The following ZNF724 variants were observed in gnomAD, a reference collection of about 807,000 sequenced individuals.
ZNF724 encodes zinc finger protein 724 pseudogene.
In ZNF724, 14 loss-of-function variants were observed where a neutral mutation model predicts 29.3. That is an observed-to-expected ratio of 0.48 (90% CI 0.32 to 0.75). ZNF724 has a LOEUF of 0.75. ZNF724 is among the 30% of genes least tolerant of loss of function. The pLI is 0.04. For synonymous variants in ZNF724, 180 were observed against 193.6 expected (o/e 0.93, Z 0.58); for missense variants, 557 against 571.2 (o/e 0.98, Z 0.25).
intron 1 of ZNF724, among the ~76,000 whole-genome samples, chr19:23,248,592 T>G (rs550856351): frequency 6.6e-6 from 1 of 152,126 alleles, no homozygotes; most frequent in South Asian, 2.1e-4. Context: ...TTTTTTTTTT[T>G]TTTGTAAATT....
At chr19:23,237,412 T>C (rs1380136140) in intron 1 of ZNF724, among the ~76,000 whole-genome samples, 1 of 152,068 alleles carries the variant, frequency 6.6e-6, no homozygotes, top group East Asian at 1.9e-4. Flanking sequence ...GTAGTGAATT[T>C]TTTTGGATAT....
In ZNF724 at chr19:23,223,793, A is replaced by G. The variant is rs1246635588; in HGVS notation, c.452T>C (p.Val151Ala). The change falls in exon 4 of 4, where the codon GTG becomes GCG. Residue 151 changes from valine (V) to alanine (A), a missense_variant. By Grantham distance (64) the Val-to-Ala change is moderately conservative. This residue lies in a region of ZNF724 where 362 missense variants were observed against 295.5 expected (regional missense o/e 1.22). Transcript: ENST00000418100. The part of the protein sequence containing the change: ...QSKIFQCDKY[V>A]KDFHKFSNSN... ...ATTTGAAAATTTATGAAAGTCTTTC[A>G]CATATTTATCACACTGAAATATTTT... 4 of 775,698 alleles carry G rather than the reference A, an allele frequency of 5.2e-6. No individual in the cohort carries two copies. In the African/African-American group the frequency reaches 6.8e-5, roughly 13 times the overall value. 48.1% of individuals were successfully genotyped at this position (775,698 alleles called of 1,614,324 possible).
At position 23,222,954 on chromosome 19, in the gene ZNF724, A is replaced by G; in HGVS notation, c.1291T>C (p.Phe431Leu). 7.3e-7 allele frequency: 1 copy of G among 1,379,114 alleles called. No individual in the cohort carries two copies. Among genetic ancestry groups the G allele is most frequent in the Non-Finnish European group, 1.0e-6 (1 of 967,146 alleles). The allele number at this position is 1,379,114 out of a possible 1,614,324, so 85.4% of individuals were successfully genotyped here. Residue 431 changes from phenylalanine (F) to leucine (L), a missense_variant, in exon 4 of 4, where the codon TTT becomes CTT. Coordinates refer to ENST00000418100, the MANE Select transcript of ZNF724 (RefSeq NM_001355404.2). The part of the protein sequence containing the change: ...PYKCEECGKA[F>L]NQFSQLTTHK... ...GTAGTAAGTTGTGAGAACTGGTTAA[A>G]GGCTTTGCCACATTCTTCACATTTG...
At chr19:23,244,701 G>C (rs1972207207) in intron 1 of ZNF724, among the ~76,000 whole-genome samples, 1 of 152,110 alleles carries the variant, frequency 6.6e-6, no homozygotes, top group East Asian at 1.9e-4. Flanking sequence ...ACACCACCCA[G>C]AGTCAGCACA....
At chr19:23,240,863 A>C (rs11085571) in intron 1 of ZNF724, among the ~76,000 whole-genome samples, 77,784 of 151,780 alleles carry the variant, frequency 0.51, 20,761 homozygotes, top group East Asian at 0.68. Flanking sequence ...GAAACCCTGT[A>C]TCTACTAAAA....
chr19:23,242,843 C>A, intron 1 of ZNF724: 1 of 151,080 alleles, frequency 6.6e-6, no homozygotes, highest in East Asian at 2.0e-4. Flanking sequence ...AGTTTGAGAC[C>A]AGCCTGACCA....
chr19:23,227,571 CA>C (rs372023948), intron 3 of ZNF724, among the ~76,000 whole-genome samples: 2 of 118,988 alleles, frequency 1.7e-5, no homozygotes, highest in Admixed American at 1.0e-4. Context: ...AAAAAAAAAA[CA>C]AAAAAAAACA....
intron 1 of ZNF724, among the ~76,000 whole-genome samples, chr19:23,249,303 G>A (rs1263836210): frequency 1.3e-5 from 2 of 150,012 alleles, no homozygotes; most frequent in African/African-American, 4.9e-5. Flanking sequence ...GAGTGCAGTG[G>A]CGCGATCTTG....
At chr19:23,226,594 A>G (rs1037494089) in intron 3 of ZNF724, among the ~76,000 whole-genome samples, 1 of 152,242 alleles carries the variant, frequency 6.6e-6, no homozygotes. Flanking sequence ...ATTAACTTCA[A>G]ATAACAAAAG....
At position 23,235,409 on chromosome 19, in the gene ZNF724, G is replaced by C. The variant is rs74502010; in HGVS notation, c.4-3116C>G. 3.7e-3 allele frequency among the ~76,000 whole-genome samples: 565 copies of C among 152,296 alleles called. 5 individuals carry two copies. Among genetic ancestry groups the C allele is most frequent in the African/African-American group, 0.011 (473 of 41,564 alleles). ...GTTCATATTTACTTGTTTGTGACTTGTGGAGCAACTACTGGATCTGCAGAA... is the reference window on the plus strand; with the variant it reads ...GTTCATATTTACTTGTTTGTGACTTCTGGAGCAACTACTGGATCTGCAGAA... On this transcript the variant is annotated intron_variant, in intron 1 of 3. Coordinates refer to ENST00000418100, the MANE Select transcript of ZNF724 (RefSeq NM_001355404.2).
intron 1 of ZNF724, among the ~76,000 whole-genome samples, chr19:23,244,366 G>A (rs1175522313): frequency 1.3e-5 from 2 of 152,170 alleles, no homozygotes; most frequent in Non-Finnish European, 2.9e-5. Flanking sequence ...CCTGAGAGGG[G>A]TGTGGATGCA....
At chr19:23,242,913 C>T (rs1447076932) in intron 1 of ZNF724, among the ~76,000 whole-genome samples, 1 of 149,924 alleles carries the variant, frequency 6.7e-6, no homozygotes, top group Non-Finnish European at 1.5e-5. Flanking sequence ...GTGGCACATG[C>T]CTGTAATCTC....
chr19:23,250,157 G>T (rs1362654595), intron 1 of ZNF724, 83 bp downstream of exon 1: 1 of 558,748 alleles, frequency 1.8e-6, no homozygotes, highest in African/African-American at 1.9e-5. Flanking sequence ...ACTGCGGGGA[G>T]GCCCGAGTCC....
At chr19:23,227,293 G>T (rs955382500) in intron 3 of ZNF724, among the ~76,000 whole-genome samples, 1 of 151,886 alleles carries the variant, frequency 6.6e-6, no homozygotes, top group African/African-American at 2.4e-5. Flanking sequence ...GGTGGCTCAC[G>T]CCTGTAATCC....
rs943109882 is a variant in ZNF724, at chr19:23,248,322, GAAGTA to G, written c.3+1913_3+1917del. The stretch of plus-strand genomic sequence containing the variant: ...AGGGAAAGAAAGTTGACAGTTCCTT[GAAGTA>G]AAGTACTAAATTTTCAGTTCTCGAG... On this transcript the variant is annotated intron_variant, in intron 1 of 3. Coordinates refer to ENST00000418100, the MANE Select transcript of ZNF724 (RefSeq NM_001355404.2). 1.4e-4 allele frequency among the ~76,000 whole-genome samples: 21 copies of G among 152,100 alleles called. 1 individual carries two copies. The highest frequency in any genetic ancestry group is 4.6e-4 in the African/African-American group (19 of 41,404).
intron 3 of ZNF724, among the ~76,000 whole-genome samples, chr19:23,225,303 T>G (rs564999406): frequency 1.2e-4 from 18 of 152,244 alleles, no homozygotes; most frequent in South Asian, 2.1e-4. Flanking sequence ...TGGAATTTTA[T>G]TCAGCCTTAA....
At chr19:23,244,665 A>G (rs73014351) in intron 1 of ZNF724, among the ~76,000 whole-genome samples, 8,699 of 152,230 alleles carry the variant, frequency 0.057, 315 homozygotes, top group Middle Eastern at 0.11. Flanking sequence ...TCCAACACCA[A>G]TTCTTTATCT....
At position 23,223,994 on chromosome 19, in the gene ZNF724, T is replaced by C; in HGVS notation, c.251A>G (p.Asp84Gly). Residue 84 changes from aspartate (D) to glycine (G), a missense_variant, in exon 4 of 4, where the codon GAC becomes GGC. This residue lies in a region of ZNF724 where 362 missense variants were observed against 295.5 expected (regional missense o/e 1.22). Transcript: ENST00000418100. Reference sequence around the variant, plus strand: ...TTTTATGCTCTGCTCTGGCCGAAGGTCTTGGGCAAAATAACAACACATACC... The same window carrying C: ...TTTTATGCTCTGCTCTGGCCGAAGGCCTTGGGCAAAATAACAACACATACC... ...PPGMCCYFAQDLRPEQSIKAS... is the reference protein window; with the variant it reads ...PPGMCCYFAQGLRPEQSIKAS... The C allele has an allele frequency of 2.9e-6, 2 of 681,222 alleles. No individual in the cohort carries two copies. The highest frequency in any genetic ancestry group is 2.6e-5 in the East Asian group (1 of 38,396). The allele number at this position is 681,222 out of a possible 1,614,324, so 42.2% of individuals were successfully genotyped here.
chr19:23,243,572 C>A (rs1972177343), intron 1 of ZNF724, among the ~76,000 whole-genome samples: 1 of 147,626 alleles, frequency 6.8e-6, no homozygotes, highest in African/African-American at 2.5e-5. Flanking sequence ...ATAATAAGAA[C>A]CCATGGATGC....
Sources: gnomAD v4.1 joint callset for allele counts (sites outside exome capture counted in the v4.1 genomes callset) on GRCh38, gnomAD v4.1.1 for gene constraint, gnomAD v4.1.1 regional missense constraint, MANE v1.5 for transcripts, NCBI Gene and HGNC (gene_info 2026-07-23, HGNC 2026-07-21) for gene names.